The following KIAA1549L variants were observed in gnomAD, a reference collection of about 807,000 sequenced individuals.
KIAA1549L encodes the protein UPF0606 protein KIAA1549L.
Under a neutral mutation model 160.7 loss-of-function variants are expected in KIAA1549L, and 88 were observed. The ratio of observed to expected loss-of-function variants is 0.55; its 90% CI spans 0.46 to 0.65. The LOEUF (loss-of-function observed/expected upper bound fraction) is 0.65. Ranked by LOEUF, KIAA1549L falls within the 30% of genes least tolerant of loss-of-function variation. The pLI is 0.00. For synonymous variants in KIAA1549L, 950 were observed against 976.7 expected, an observed-to-expected ratio of 0.97 and a Z score of 0.51; for missense variants, 2,258 against 2,437.5, an observed-to-expected ratio of 0.93 and a Z score of 1.55.
At chr11:33,630,890 T>C (rs1182358342) in intron 16 of KIAA1549L, among the ~76,000 whole-genome samples, 1 of 152,224 alleles carries the variant, frequency 6.6e-6, no homozygotes, top group African/African-American at 2.4e-5. Context: ...CTAAGCTTTG[T>C]ATGAGATTCC....
chr11:33,406,755 C>G (rs919441447), intron 1 of KIAA1549L, among the ~76,000 whole-genome samples: 2 of 152,230 alleles, frequency 1.3e-5, no homozygotes, highest in Non-Finnish European at 2.9e-5. Flanking sequence ...GGATCAGGCA[C>G]CTACCAGGAT....
At chr11:33,593,885 T>C (rs1187167305) in intron 12 of KIAA1549L, among the ~76,000 whole-genome samples, 1 of 152,088 alleles carries the variant, frequency 6.6e-6, no homozygotes, top group East Asian at 1.9e-4. Flanking sequence ...CAGTGTGTAA[T>C]TACTCTATAA....
chr11:33,437,765 G>A (rs2132937731), intron 1 of KIAA1549L, among the ~76,000 whole-genome samples: 1 of 152,288 alleles, frequency 6.6e-6, no homozygotes, highest in East Asian at 1.9e-4. Flanking sequence ...TGCATTTATA[G>A]TGACCTGACC....
intron 1 of KIAA1549L, among the ~76,000 whole-genome samples, chr11:33,408,561 A>C: frequency 6.6e-6 from 1 of 150,670 alleles, no homozygotes; most frequent in East Asian, 1.9e-4. Flanking sequence ...AACCTTTAGG[A>C]AAGCTTCCTA....
At chr11:33,509,032 T>C (rs1180009042) in intron 1 of KIAA1549L, among the ~76,000 whole-genome samples, 1 of 152,212 alleles carries the variant, frequency 6.6e-6, no homozygotes, top group African/African-American at 2.4e-5. Flanking sequence ...GTGAGACCAG[T>C]GGGTTTTGCC....
intron 1 of KIAA1549L, among the ~76,000 whole-genome samples, chr11:33,526,947 A>G (rs911363898): frequency 6.6e-6 from 1 of 152,326 alleles, no homozygotes; most frequent in Admixed American, 6.5e-5. Flanking sequence ...AGAAATAGAT[A>G]TTATAAAGAA....
intron 1 of KIAA1549L, among the ~76,000 whole-genome samples, chr11:33,468,286 G>A (rs904848552): frequency 6.6e-6 from 1 of 152,162 alleles, no homozygotes; most frequent in Non-Finnish European, 1.5e-5. Flanking sequence ...AGTTTCCATG[G>A]CACCAAAGTT....
intron 1 of KIAA1549L, among the ~76,000 whole-genome samples, chr11:33,491,701 G>A (rs866090985): frequency 3.3e-5 from 5 of 152,238 alleles, no homozygotes; most frequent in Middle Eastern, 6.8e-3. Flanking sequence ...AATCTCTGAG[G>A]GCTGTAGCTG....
At position 33,670,064 on chromosome 11, in the gene KIAA1549L, G is replaced by A. The variant is rs753265693; in HGVS notation, c.*1910G>A. Reference sequence around the variant, plus strand: ...ATTGACAGGTTAACACAATGCCTACGTCTATCCACATAGGCATTCAATGCA... The same window carrying A: ...ATTGACAGGTTAACACAATGCCTACATCTATCCACATAGGCATTCAATGCA... On this transcript the variant is annotated 3_prime_UTR_variant, in exon 21 of 21. Coordinates refer to ENST00000658780, the MANE Select transcript of KIAA1549L (RefSeq NM_012194.3). 17 of 152,164 alleles carry A rather than the reference G, an allele frequency of 1.1e-4. No individual in the cohort carries two copies. The highest frequency in any genetic ancestry group is 1.6e-4 in the Non-Finnish European group (11 of 68,032). The allele number at this position is 152,164 out of a possible 1,614,324, so 9.4% of individuals were successfully genotyped here. A position where few individuals can be genotyped will look rare whatever the true frequency, so the allele number is the denominator to read the frequency against.
chr11:33,398,603 T>C (rs533980491), intron 1 of KIAA1549L, among the ~76,000 whole-genome samples: 1 of 152,328 alleles, frequency 6.6e-6, no homozygotes, highest in South Asian at 2.1e-4. Flanking sequence ...TCCCCATGGA[T>C]AGAGCTCTGC....
intron 16 of KIAA1549L, among the ~76,000 whole-genome samples, chr11:33,626,095 C>T (rs928623160): frequency 3.3e-5 from 5 of 150,482 alleles, no homozygotes; most frequent in Non-Finnish European, 1.5e-5. Flanking sequence ...TTTCTGAGGG[C>T]TCTGTTCTGT....
intron 1 of KIAA1549L, among the ~76,000 whole-genome samples, chr11:33,441,652 GC>G (rs1361614394): frequency 4.6e-5 from 7 of 152,092 alleles, no homozygotes; most frequent in Non-Finnish European, 1.0e-4. Flanking sequence ...GTTTTGATTT[GC>G]ATTTCTCTGA....
At chr11:33,431,626 C>G (rs1177159913) in intron 1 of KIAA1549L, among the ~76,000 whole-genome samples, 2 of 152,168 alleles carry the variant, frequency 1.3e-5, no homozygotes, top group Admixed American at 6.5e-5. Flanking sequence ...AATCCCTGAC[C>G]TAGACATAAA....
intron 17 of KIAA1549L, 71 bp from the exon 18 acceptor site, chr11:33,655,941 C>A: frequency 9.4e-7 from 1 of 1,067,032 alleles, no homozygotes; most frequent in Non-Finnish European, 1.4e-6. Context: ...CCTCCTCAAA[C>A]AAGAGGAACC....
intron 16 of KIAA1549L, among the ~76,000 whole-genome samples, chr11:33,641,217 T>C (rs1002932842): frequency 1.3e-5 from 2 of 152,178 alleles, no homozygotes; most frequent in Non-Finnish European, 2.9e-5. Flanking sequence ...CCTACTATAT[T>C]TGTTCGCTAA....
intron 13 of KIAA1549L, among the ~76,000 whole-genome samples, chr11:33,605,475 C>T (rs886162952): frequency 2.0e-5 from 3 of 152,098 alleles, no homozygotes; most frequent in Non-Finnish European, 4.4e-5. Context: ...TGCTTGGTGG[C>T]CTGCTATTTG....
intron 1 of KIAA1549L, among the ~76,000 whole-genome samples, chr11:33,378,626 C>T (rs975668130): frequency 1.2e-4 from 19 of 152,178 alleles, no homozygotes; most frequent in Admixed American, 1.1e-3. Context: ...CCATCTCATC[C>T]GAGCGACTCG....
At position 33,547,755 on chromosome 11, in the gene KIAA1549L, A is replaced by C. The variant is rs1854313089; in HGVS notation, c.3386-9A>C. On this transcript the variant is annotated splice_polypyrimidine_tract_variant and intron_variant, in intron 3 of 20. Coordinates refer to ENST00000658780, the MANE Select transcript of KIAA1549L (RefSeq NM_012194.3). Reference sequence around the variant, plus strand: ...TGCCTGATTGCCATGCTTCTATTTTACCCCACAGTTCTCTTTCTCACCCAA... The same window carrying C: ...TGCCTGATTGCCATGCTTCTATTTTCCCCCACAGTTCTCTTTCTCACCCAA... 1 of 1,575,858 alleles carries C rather than the reference A, an allele frequency of 6.3e-7. No homozygotes were observed. Among genetic ancestry groups the C allele is most frequent in the East Asian group, 2.2e-5 (1 of 44,594 alleles).
Position 33,671,614 on chromosome 11 carries a change from A to ACACACACACACACACACACACC in KIAA1549L, c.*3463_*3464insACACACACACACACACACCCAC, listed in dbSNP as rs1392009671. On this transcript the variant is annotated 3_prime_UTR_variant, in exon 21 of 21. Transcript: ENST00000658780. ...CACACACACACACACACACACACAC[A>ACACACACACACACACACACACC]CACCCTACTTCGGAGAGAGAATGTA... The ACACACACACACACACACACACC allele has an allele frequency of 5.3e-5, 8 of 151,744 alleles. No homozygotes were observed. The highest frequency in any genetic ancestry group is 1.2e-4 in the Non-Finnish European group (8 of 67,872). The allele number at this position is 151,744 out of a possible 1,614,324, so 9.4% of individuals were successfully genotyped here.
Sources: gnomAD v4.1 joint callset for allele counts (sites outside exome capture counted in the v4.1 genomes callset) on GRCh38, gnomAD v4.1.1 for gene constraint, MANE v1.5 for transcripts, NCBI Gene and HGNC (gene_info 2026-07-23, HGNC 2026-07-21) for gene names.